TACC1: variants seen among roughly 807,000 people sequenced by gnomAD.
TACC1 encodes the protein transforming acidic coiled-coil containing protein 1.
In TACC1, 48 loss-of-function variants were observed where a neutral mutation model predicts 84.4. The ratio of observed to expected loss-of-function variants is 0.57; its 90% CI spans 0.45 to 0.72. TACC1 has a LOEUF of 0.72. Ranked by LOEUF, TACC1 falls within the 30% of genes least tolerant of loss-of-function variation. The pLI is 0.00. For missense variants in TACC1, 920 were observed against 973.0 expected, an observed-to-expected ratio of 0.95 and a Z score of 0.72; for synonymous variants, 372 against 376.3, an observed-to-expected ratio of 0.99 and a Z score of 0.13.
At chr8:38,783,052 C>T (rs903757588), upstream of TACC1, among the ~76,000 whole-genome samples, 1 of 150,372 alleles carries the variant, frequency 6.7e-6, no homozygotes, top group Admixed American at 6.7e-5. Context: ...TTCAATGACA[C>T]TAGTGTAGTG....
At chr8:38,774,101 T>C (rs1408346683) in intron 3 of TACC1, among the ~76,000 whole-genome samples, 1 of 152,120 alleles carries the variant, frequency 6.6e-6, no homozygotes, top group Non-Finnish European at 1.5e-5. Context: ...GCTGCTTCTG[T>C]CCTTAGTGTC....
At chr8:38,805,342 G>T (rs577735871) in intron 2 of TACC1, 59 of 152,250 alleles carry the variant, frequency 3.9e-4, no homozygotes, top group African/African-American at 1.4e-3. Context: ...TTCTTCTTTT[G>T]CTGAATACGA....
At chr8:38,757,911 A>G (rs1212646062) in intron 3 of TACC1, among the ~76,000 whole-genome samples, 1 of 152,138 alleles carries the variant, frequency 6.6e-6, no homozygotes, top group East Asian at 1.9e-4. Flanking sequence ...TCTCAGAAAA[A>G]AAGGGCAGTA....
chr8:38,805,331 T>G (rs775239773), intron 2 of TACC1: 1 of 152,244 alleles, frequency 6.6e-6, no homozygotes, highest in Non-Finnish European at 1.5e-5. Context: ...TTTCTAGAGC[T>G]TTCTTCTTTT....
chr8:38,812,671 T>C (rs1824491886), intron 2 of TACC1, among the ~76,000 whole-genome samples: 1 of 152,258 alleles, frequency 6.6e-6, no homozygotes, highest in African/African-American at 2.4e-5. Context: ...TAAAAACTCA[T>C]GGCTTCCTGT....
At position 38,819,709 on chromosome 8, in the gene TACC1, A is replaced by C; in HGVS notation, c.465A>C (p.Glu155Asp). ...CCATCGTGAGGCCATTTTCAATAGA[A>C]ACGAAGGATTCCACGGATATCTCGG... The part of the protein sequence containing the change: ...KISIVRPFSI[E>D]TKDSTDISAV... Residue 155 changes from glutamate (E) to aspartate (D), a missense_variant, in exon 3 of 13, where the codon GAA becomes GAC. Physicochemically the swap from Glu to Asp is conservative, Grantham distance 45 (BLOSUM62 2). Coordinates refer to ENST00000317827, the MANE Select transcript of TACC1 (RefSeq NM_006283.3). 6.2e-7 allele frequency: 1 copy of C among 1,614,174 alleles called. No homozygotes were observed. Among genetic ancestry groups the C allele is most frequent in the Non-Finnish European group, 8.5e-7 (1 of 1,180,036 alleles).
intron 2 of TACC1, among the ~76,000 whole-genome samples, chr8:38,805,203 A>G (rs775085659): frequency 4.6e-5 from 7 of 152,200 alleles, no homozygotes; most frequent in African/African-American, 7.2e-5. Context: ...CCTCTCTCAT[A>G]GCACATACCT....
intron 2 of TACC1, among the ~76,000 whole-genome samples, chr8:38,806,207 G>A (rs1161754907): frequency 6.6e-6 from 1 of 152,100 alleles, no homozygotes; most frequent in Admixed American, 6.5e-5. Flanking sequence ...GGGGTCTGTA[G>A]AGACATGCCA....
chr8:38,817,981 C>A (rs1327281737), intron 2 of TACC1, among the ~76,000 whole-genome samples: 1 of 148,518 alleles, frequency 6.7e-6, no homozygotes, highest in East Asian at 2.0e-4. Context: ...CCTGTGACCC[C>A]AGTGCTTTGG....
rs768796254 is a variant in TACC1, at chr8:38,843,300, C to T, written c.2133C>T (p.Ala711=). ...VLEGFKKNEE[A]LKKCAQDYLA... ...TTGCTTTGGAACAGAATGAAGAAGC[C>T]TTGAAGAAATGTGCTCAGGATTACT... The change falls in exon 11 of 13, where the codon GCC becomes GCT. Residue 711 remains alanine (A), a synonymous_variant. Transcript: ENST00000317827. The T allele has an allele frequency of 3.1e-6, 5 of 1,592,462 alleles. No individual in the cohort carries two copies. The highest frequency in any genetic ancestry group is 2.7e-5 in the African/African-American group (2 of 74,004).
chr8:38,797,493 G>A (rs1351042097), intron 2 of TACC1, among the ~76,000 whole-genome samples: 1 of 152,198 alleles, frequency 6.6e-6, no homozygotes, highest in African/African-American at 2.4e-5. Context: ...GAGCAGAACT[G>A]GCTGAAGAAA....
At chr8:38,787,885 G>C in intron 1 of TACC1, 142 bp downstream of exon 1, 1 of 798,664 alleles carries the variant, frequency 1.3e-6, no homozygotes, top group East Asian at 3.3e-5. Flanking sequence ...CCGGGTCCCC[G>C]TGTGCGTCCG....
At chr8:38,837,195 A>G (rs2152305599) in intron 7 of TACC1, among the ~76,000 whole-genome samples, 1 of 147,220 alleles carries the variant, frequency 6.8e-6, no homozygotes, top group Middle Eastern at 3.5e-3. Flanking sequence ...CGGGCGGATC[A>G]CCTGAGTTCA....
chr8:38,815,164 C>T (rs1214653091), intron 2 of TACC1, among the ~76,000 whole-genome samples: 1 of 152,170 alleles, frequency 6.6e-6, no homozygotes, highest in Non-Finnish European at 1.5e-5. Context: ...AAAATACAAC[C>T]TCTTGTATAG....
At chr8:38,746,119 C>G (rs1808042514) in intron 3 of TACC1, among the ~76,000 whole-genome samples, 1 of 152,202 alleles carries the variant, frequency 6.6e-6, no homozygotes, top group African/African-American at 2.4e-5. Flanking sequence ...GCCCAGCCGG[C>G]AAGGGCTTGA....
At position 38,851,276 on chromosome 8, in the gene TACC1, A is replaced by G. The variant is rs964852847; in HGVS notation, c.*3253A>G. 3 of 152,186 alleles carry G rather than the reference A, an allele frequency of 2.0e-5. No homozygotes were observed. Among genetic ancestry groups the G allele is most frequent in the Non-Finnish European group, 4.4e-5 (3 of 68,050 alleles). The allele number at this position is 152,186 out of a possible 1,614,324, so 9.4% of individuals were successfully genotyped here. A position where few individuals can be genotyped will look rare whatever the true frequency, so the allele number is the denominator to read the frequency against. On this transcript the variant is annotated 3_prime_UTR_variant, in exon 13 of 13. Coordinates refer to ENST00000317827, the MANE Select transcript of TACC1 (RefSeq NM_006283.3). ...AGTTGAATTTTCTTTCCAGCCAGTTACCCTTTCAACCTACCCATACTTTGT... is the reference window on the plus strand; with the variant it reads ...AGTTGAATTTTCTTTCCAGCCAGTTGCCCTTTCAACCTACCCATACTTTGT...
intron 1 of TACC1, among the ~76,000 whole-genome samples, chr8:38,733,555 C>T (rs917066633): frequency 6.6e-6 from 1 of 152,176 alleles, no homozygotes; most frequent in Non-Finnish European, 1.5e-5. Flanking sequence ...GAGGTCCGGA[C>T]TGCAGGCTTT....
rs1167988144 is a variant in TACC1 at position 38,849,517 on chromosome 8, C to T, written c.*1494C>T. On this transcript the variant is annotated 3_prime_UTR_variant, in exon 13 of 13. Coordinates refer to ENST00000317827, the MANE Select transcript of TACC1 (RefSeq NM_006283.3). Reference sequence around the variant, plus strand: ...TCAGTATACGTATGTTTTCCTACTTCTCTTGTAAAACTGTTGCATGATCCA... The same window carrying T: ...TCAGTATACGTATGTTTTCCTACTTTTCTTGTAAAACTGTTGCATGATCCA... The T allele has an allele frequency of 6.6e-6, 1 of 152,198 alleles. No individual in the cohort carries two copies. The highest frequency in any genetic ancestry group is 1.5e-5 in the Non-Finnish European group (1 of 68,026). The allele number at this position is 152,198 out of a possible 1,614,324, so 9.4% of individuals were successfully genotyped here.
At chr8:38,788,416 AT>A in intron 1 of TACC1, 1 of 298,496 alleles carries the variant, frequency 3.4e-6, no homozygotes, top group Non-Finnish European at 6.3e-6. Flanking sequence ...GGAAAAGCGC[AT>A]TTTTCAGGTG....
Sources: allele counts gnomAD v4.1 joint callset (sites outside exome capture counted in the v4.1 genomes callset), GRCh38; gene constraint gnomAD v4.1.1; transcripts MANE v1.5; gene names NCBI Gene and HGNC (gene_info 2026-07-23, HGNC 2026-07-21).